Variants in VDAC1 observed in about 807,000 individuals in gnomAD.
VDAC1 encodes the protein voltage dependent anion channel 1.
In VDAC1, 10 loss-of-function variants were observed where a neutral mutation model predicts 34.7. That is an observed-to-expected ratio of 0.29 (90% CI 0.18 to 0.49). The LOEUF is 0.49. Among genes scored for constraint, VDAC1 ranks in the 20% least tolerant of loss-of-function variants. VDAC1 has a pLI of 0.99. For synonymous variants in VDAC1, 130 were observed against 136.0 expected (o/e 0.96, Z 0.30); for missense variants, 230 against 347.9 (o/e 0.66, Z 2.69).
the VDAC1 span, among the ~76,000 whole-genome samples, chr5:134,070,967 C>T: frequency 6.6e-6 from 1 of 152,162 alleles, no homozygotes; most frequent in Non-Finnish European, 1.5e-5. Context: ...CACAGGAAAC[C>T]GGTCCAAGCG....
At chr5:134,093,022 G>A in the VDAC1 span, among the ~76,000 whole-genome samples, 3 of 152,186 alleles carry the variant, frequency 2.0e-5, no homozygotes, top group Non-Finnish European at 2.9e-5. Context: ...CTTCCATGGG[G>A]ATAAAGGTGA....
chr5:134,032,810 T>C, the VDAC1 span, among the ~76,000 whole-genome samples: 1 of 152,170 alleles, frequency 6.6e-6, no homozygotes, highest in African/African-American at 2.4e-5. Context: ...GGTAGGAGGA[T>C]CACTTGAGGC....
chr5:134,099,372 G>C, the VDAC1 span, among the ~76,000 whole-genome samples: 2 of 152,140 alleles, frequency 1.3e-5, no homozygotes, highest in Non-Finnish European at 2.9e-5. Context: ...GGTGCCGTTT[G>C]GGGATGCTAG....
the VDAC1 span, among the ~76,000 whole-genome samples, chr5:134,076,707 T>C: frequency 6.6e-5 from 10 of 152,208 alleles, no homozygotes; most frequent in African/African-American, 2.4e-4. Context: ...TGTGTGCATC[T>C]AGTTGTAAGG....
the VDAC1 span, among the ~76,000 whole-genome samples, chr5:134,106,532 C>T: frequency 1.7e-3 from 251 of 152,006 alleles, no homozygotes; most frequent in African/African-American, 5.7e-3. Flanking sequence ...CTCAGCCTCC[C>T]GAGTATCTGG....
At chr5:133,997,707 C>CAAAAAAAAA (rs67591375) in intron 1 of VDAC1, among the ~76,000 whole-genome samples, 11 of 58,308 alleles carry the variant, frequency 1.9e-4, no homozygotes, top group South Asian at 8.4e-4. Flanking sequence ...GACTGTCTCA[C>CAAAAAAAAA]AAAAAAAAAA....
the VDAC1 span, among the ~76,000 whole-genome samples, chr5:134,061,988 GT>G: frequency 7.3e-5 from 11 of 151,014 alleles, no homozygotes; most frequent in East Asian, 2.1e-3. Flanking sequence ...TTTTGGTTTT[GT>G]TTTTTTTGAG....
At chr5:134,112,162 T>C in the VDAC1 span, among the ~76,000 whole-genome samples, 1 of 152,128 alleles carries the variant, frequency 6.6e-6, no homozygotes, top group African/African-American at 2.4e-5. Flanking sequence ...TCCTAAGCCA[T>C]CCAGGCCCAC....
At chr5:134,016,650 T>C in the VDAC1 span, among the ~76,000 whole-genome samples, 1 of 152,170 alleles carries the variant, frequency 6.6e-6, no homozygotes. Context: ...ACTTTGTTTT[T>C]TATTATTTAA....
the VDAC1 span, among the ~76,000 whole-genome samples, chr5:134,058,716 GAA>G: frequency 0.03 from 4,572 of 152,252 alleles, 76 homozygotes; most frequent in African/African-American, 0.039. Flanking sequence ...GCCAGATAGG[GAA>G]CAGAGCAAAG....
At chr5:134,011,461 A>G in the VDAC1 span, among the ~76,000 whole-genome samples, 4 of 151,530 alleles carry the variant, frequency 2.6e-5, no homozygotes, top group Non-Finnish European at 5.9e-5. Flanking sequence ...TCACCTCTCC[A>G]TTTTCCCTTC....
At chr5:133,991,237 T>C in intron 3 of VDAC1, 83 bp from the exon 4 acceptor site, 3 of 1,562,502 alleles carry the variant, frequency 1.9e-6, no homozygotes, top group Non-Finnish European at 2.6e-6. Flanking sequence ...TACTTGCCTT[T>C]CTGCAAGAGG....
At chr5:134,102,461 G>C in the VDAC1 span, among the ~76,000 whole-genome samples, 1 of 152,092 alleles carries the variant, frequency 6.6e-6, no homozygotes, top group East Asian at 1.9e-4. Flanking sequence ...CTGAGGTCGG[G>C]AGTTCGAGAC....
chr5:134,089,480 G>A, the VDAC1 span, among the ~76,000 whole-genome samples: 2 of 152,254 alleles, frequency 1.3e-5, no homozygotes, highest in African/African-American at 2.4e-5. Flanking sequence ...ATTACAGCTC[G>A]CCATCCCAGC....
At chr5:133,983,060 A>C (rs551493140) in intron 5 of VDAC1, among the ~76,000 whole-genome samples, 1 of 151,390 alleles carries the variant, frequency 6.6e-6, no homozygotes, top group Non-Finnish European at 1.5e-5. Flanking sequence ...GCCCAGCCTG[A>C]CCAACACGGA....
At chr5:134,028,979 G>A in the VDAC1 span, among the ~76,000 whole-genome samples, 1 of 152,202 alleles carries the variant, frequency 6.6e-6, no homozygotes, top group Non-Finnish European at 1.5e-5. Context: ...GGACACTCAA[G>A]CAGCCCTGGA....
At chr5:134,075,582 G>A in the VDAC1 span, among the ~76,000 whole-genome samples, 1 of 152,140 alleles carries the variant, frequency 6.6e-6, no homozygotes, top group African/African-American at 2.4e-5. Flanking sequence ...TTGTTTGTTT[G>A]TTTTTTGTTT....
chr5:134,105,052 C>T, the VDAC1 span, among the ~76,000 whole-genome samples: 1 of 152,364 alleles, frequency 6.6e-6, no homozygotes, highest in Non-Finnish European at 1.5e-5. Flanking sequence ...CTCCCGAGAG[C>T]TCCTGAGAGC....
intron 7 of VDAC1, 134 bp downstream of exon 7, chr5:133,975,737 G>T: frequency 7.3e-7 from 1 of 1,375,960 alleles, no homozygotes; most frequent in Non-Finnish European, 1.0e-6. Context: ...GGGATTACAG[G>T]CGTGAGTCAC....
Sources: gnomAD v4.1 joint callset for allele counts (sites outside exome capture counted in the v4.1 genomes callset) on GRCh38, gnomAD v4.1.1 for gene constraint, MANE v1.5 for transcripts, NCBI Gene and HGNC (gene_info 2026-07-23, HGNC 2026-07-21) for gene names.